AMPD2: variants seen among roughly 807,000 people sequenced by gnomAD.
AMPD2 encodes adenosine monophosphate deaminase 2.
A neutral mutation model predicts 91.3 loss-of-function variants in AMPD2; 52 were observed. That is an observed-to-expected ratio of 0.57 (90% CI 0.46 to 0.72). The LOEUF (loss-of-function observed/expected upper bound fraction) is 0.72. AMPD2 is among the 30% of genes least tolerant of loss of function. The pLI, the probability that AMPD2 is intolerant of heterozygous loss-of-function variation, is 0.00. For synonymous variants in AMPD2, 455 were observed against 456.4 expected, an observed-to-expected ratio of 1.00 and a Z score of 0.04; for missense variants, 822 against 1,122.3, an observed-to-expected ratio of 0.73 and a Z score of 3.82.
Position 109,628,300 on chromosome 1 carries a change from G to A in AMPD2, c.1275+23G>A, listed in dbSNP as rs773924324. 18 of 1,612,908 alleles carry A rather than the reference G, an allele frequency of 1.1e-5. No individual in the cohort carries two copies. In the South Asian group the frequency reaches 1.9e-4, roughly 17 times the overall value. On this transcript the variant is annotated intron_variant, in intron 11 of 18. Coordinates refer to ENST00000528667, the MANE Select transcript of AMPD2 (RefSeq NM_001368809.2). The surrounding 1 kb of genome is among the most constrained non-coding windows in gnomAD (Gnocchi z 7.1). Reference sequence around the variant, plus strand: ...GCGGTCTGTGCCAGTGGCGTGGGCTGTGGGACTGAGTCAGTCAGGGGACCA... The same window carrying A: ...GCGGTCTGTGCCAGTGGCGTGGGCTATGGGACTGAGTCAGTCAGGGGACCA...
chr1:109,622,593 T>C (rs1650351959), intron 2 of AMPD2, among the ~76,000 whole-genome samples: 1 of 152,084 alleles, frequency 6.6e-6, no homozygotes, highest in Non-Finnish European at 1.5e-5. Flanking sequence ...AGCTGAGTCT[T>C]CTAGGCCTGG....
Position 109,619,896 on chromosome 1 carries a change from T to A in AMPD2, c.-645T>A. On this transcript the variant is annotated 5_prime_UTR_variant, in exon 1 of 19. Coordinates refer to ENST00000528667, the MANE Select transcript of AMPD2 (RefSeq NM_001368809.2). ...TTTTGGTGGGGTCTCACCTGTTGCG[T>A]GACTCCCCCACAGTCCGGCCGCGGG... The A allele has an allele frequency of 3.2e-6, 1 of 313,516 alleles. No individual in the cohort carries two copies. The highest frequency in any genetic ancestry group is 6.2e-6 in the Non-Finnish European group (1 of 161,412). 19.4% of individuals were successfully genotyped at this position (313,516 alleles called of 1,614,324 possible). A position where few individuals can be genotyped will look rare whatever the true frequency, so the allele number is the denominator to read the frequency against.
chr1:109,627,232 G>A lies in AMPD2; in HGVS notation c.776G>A (p.Ser259Asn), dbSNP rs1300376879. ...EQHPYEHCEP[S>N]TMPGDLGLGL... ...CACCCGTATGAGCACTGTGAGCCAA[G>A]CACCATGCCTGGGGACCTGGGCTTG... Residue 259 changes from serine to asparagine, a missense_variant, in exon 8 of 19, where the codon AGC becomes AAC. By Grantham distance (46) the Ser-to-Asn change is conservative (BLOSUM62 1). Transcript: ENST00000528667. 1.2e-6 allele frequency: 2 copies of A among 1,613,384 alleles called. No individual in the cohort carries two copies. Among genetic ancestry groups the A allele is most frequent in the South Asian group, 2.2e-5 (2 of 90,992 alleles).
In AMPD2 at chr1:109,621,036, T is replaced by C; in HGVS notation, c.-140T>C. 6.2e-7 allele frequency: 1 copy of C among 1,601,534 alleles called. No individual in the cohort carries two copies. Among genetic ancestry groups the C allele is most frequent in the Non-Finnish European group, 8.5e-7 (1 of 1,174,242 alleles). ...AACATGAGAAATCGTGGCCAGGGCC[T>C]CTTCCGCCTGCGGAGCCGCTGCTTC... On this transcript the variant is annotated 5_prime_UTR_variant, in exon 2 of 19. Transcript: ENST00000528667.
chr1:109,626,161 C>A lies in AMPD2; in HGVS notation c.355C>A (p.Leu119Met). 6.2e-7 allele frequency: 1 copy of A among 1,614,142 alleles called. No homozygotes were observed. Reference sequence around the variant, plus strand: ...ACTTCTCACCCCTCTTGCCTCTAGGCTGGAGCCAGACATCCTGCTTCGGGC... The same window carrying A: ...ACTTCTCACCCCTCTTGCCTCTAGGATGGAGCCAGACATCCTGCTTCGGGC... The part of the protein sequence containing the change: ...LERQISQDVK[L>M]EPDILLRAKQ... The change falls in exon 5 of 19, where the codon CTG becomes ATG. Residue 119 changes from leucine (L) to methionine (M), a missense_variant and splice_region_variant. Coordinates refer to ENST00000528667, the MANE Select transcript of AMPD2 (RefSeq NM_001368809.2).
Position 109,626,343 on chromosome 1 carries a change from G to T in AMPD2, c.447G>T (p.Gly149=). 6.2e-7 allele frequency: 1 copy of T among 1,613,086 alleles called. No homozygotes were observed. Among genetic ancestry groups the T allele is most frequent in the East Asian group, 2.2e-5 (1 of 44,864 alleles). The change falls in exon 6 of 19, where the codon GGG becomes GGT. Residue 149 remains glycine, a synonymous_variant. Transcript: ENST00000528667. ...DLQLYKEQGE[G]QGDRSLRERD... ...GGCTCTACAAGGAACAGGGTGAGGG[G>T]CAGGGTGACCGGAGCCTGCGGGAGC...
rs772396309 is a variant in AMPD2 at position 109,629,823 on chromosome 1, G to T, written c.1890G>T (p.Leu630=). 6.2e-7 allele frequency: 1 copy of T among 1,610,050 alleles called. No individual in the cohort carries two copies. Among genetic ancestry groups the T allele is most frequent in the Non-Finnish European group, 8.5e-7 (1 of 1,177,274 alleles). ...AGAGGGGCTTCCACACGTTTGTGCT[G>T]AGGCCACACTGTGGGGAGGCTGGGC... is the stretch of plus-strand genomic sequence containing the variant. ...RRQRGFHTFV[L]RPHCGEAGPI... is the part of the protein sequence containing the mutation. The change falls in exon 16 of 19, where the codon CTG becomes CTT. Residue 630 remains leucine (L), a synonymous_variant. Transcript: ENST00000528667.
Position 109,624,130 on chromosome 1 carries a change from T to G in AMPD2, c.92-1173T>G. On this transcript the variant is annotated intron_variant, in intron 2 of 18. Transcript: ENST00000528667. This position sits in a 1 kb window ranked among gnomAD's most constrained non-coding sequence, Gnocchi z 5.2. ...GGGCCGGGGTGCGCAGGGGACGGGG[T>G]CCTGGATCTGGGGCAGGCCCCTCCC... The G allele has an allele frequency of 1.0e-6, 1 of 955,584 alleles. No homozygotes were observed. Among genetic ancestry groups the G allele is most frequent in the Non-Finnish European group, 1.2e-6 (1 of 802,816 alleles). The allele number at this position is 955,584 out of a possible 1,614,324, so 59.2% of individuals were successfully genotyped here.
chr1:109,631,321 G>T lies in AMPD2; in HGVS notation c.*169G>T. 1 of 717,738 alleles carries T rather than the reference G, an allele frequency of 1.4e-6. No homozygotes were observed. Among genetic ancestry groups the T allele is most frequent in the Non-Finnish European group, 2.4e-6 (1 of 425,158 alleles). The allele number at this position is 717,738 out of a possible 1,614,324, so 44.5% of individuals were successfully genotyped here. On this transcript the variant is annotated 3_prime_UTR_variant, in exon 19 of 19. Coordinates refer to ENST00000528667, the MANE Select transcript of AMPD2 (RefSeq NM_001368809.2). Reference sequence around the variant, plus strand: ...GCCACCCAGTGAAAGCAAAGCCTGGGAATCTGCTCATTGTTGTTTGGGCTC... The same window carrying T: ...GCCACCCAGTGAAAGCAAAGCCTGGTAATCTGCTCATTGTTGTTTGGGCTC...
intron 17 of AMPD2, 130 bp downstream of exon 17, chr1:109,630,536 C>T (rs1170810409): frequency 7.0e-6 from 8 of 1,137,128 alleles, no homozygotes; most frequent in Admixed American, 2.3e-5. Flanking sequence ...GCATAGCTGG[C>T]CAATTGACAA....
intron 2 of AMPD2, 187 bp downstream of exon 2, chr1:109,621,453 T>TGGGGGGGGGGGGGGGGGGGGGGGG: frequency 1.6e-6 from 1 of 631,146 alleles, no homozygotes; most frequent in Non-Finnish European, 2.9e-6. Context: ...GGGCGGGGGG[T>TGGGGGGGGGGGGGGGGGGGGGGGG]GGATCTGAGA....
chr1:109,620,483 C>A, intron 1 of AMPD2: 1 of 1,189,802 alleles, frequency 8.4e-7, no homozygotes, highest in Non-Finnish European at 1.1e-6. Context: ...TCCCAGACCC[C>A]CAGACAAGGG....
intron 16 of AMPD2, 103 bp from the exon 17 acceptor site, chr1:109,630,130 C>A: frequency 7.1e-7 from 1 of 1,404,338 alleles, no homozygotes; most frequent in Non-Finnish European, 9.9e-7. Flanking sequence ...AGCCTGGATT[C>A]CCCTCCCCCT....
chr1:109,620,827 T>C, intron 1 of AMPD2, 87 bp from the exon 2 acceptor site: 1 of 1,385,008 alleles, frequency 7.2e-7, no homozygotes, highest in Non-Finnish European at 9.4e-7. Flanking sequence ...CATGATGGGG[T>C]GAGGGCTCTT....
chr1:109,630,658 G>A, intron 17 of AMPD2, 25 bp from the exon 18 acceptor site: 3 of 1,599,990 alleles, frequency 1.9e-6, no homozygotes, highest in South Asian at 1.1e-5. Context: ...GGGCGCACTC[G>A]TCTGAGGGAA....
chr1:109,629,239 A>C lies in AMPD2; in HGVS notation c.1698+4A>C, dbSNP rs748957501. The C allele has an allele frequency of 6.2e-7, 1 of 1,614,090 alleles. No individual in the cohort carries two copies. Among genetic ancestry groups the C allele is most frequent in the Non-Finnish European group, 8.5e-7 (1 of 1,180,022 alleles). The stretch of plus-strand genomic sequence containing the variant: ...ACTGCATCTCTTCTTAGAGCACGTG[A>C]GCAGGCAGCGCAGAGCTGGGTATGG... On this transcript the variant is annotated splice_donor_region_variant and intron_variant, in intron 14 of 18. Transcript: ENST00000528667.
rs767199290 is a variant in AMPD2, at chr1:109,621,054, G to A, written c.-122G>A. The A allele has an allele frequency of 9.3e-6, 15 of 1,605,868 alleles. No individual in the cohort carries two copies. The highest frequency in any genetic ancestry group is 2.2e-5 in the East Asian group (1 of 44,784). ...CAGGGCCTCTTCCGCCTGCGGAGCC[G>A]CTGCTTCCTGCATCAGTCACTCCCG... On this transcript the variant is annotated 5_prime_UTR_variant, in exon 2 of 19. Transcript: ENST00000528667.
rs745350160 is a variant in AMPD2 at position 109,625,727 on chromosome 1, G to C, written c.288G>C (p.Glu96Asp). Residue 96 changes from glutamate to aspartate, a missense_variant, in exon 4 of 19, where the codon GAG (glutamate) becomes GAC (aspartate). Glu to Asp is a conservative substitution (Grantham distance 45, BLOSUM62 2). This residue lies in a region of AMPD2 where 10 missense variants were observed against 36.2 expected (regional missense o/e 0.28). Coordinates refer to ENST00000528667, the MANE Select transcript of AMPD2 (RefSeq NM_001368809.2). This position sits in a 1 kb window ranked among gnomAD's most constrained non-coding sequence, Gnocchi z 4.0. The part of the protein sequence containing the change: ...LRSAPYEFPE[E>D]SPIEQLEERR... ...GTGCCCCGTATGAGTTCCCCGAGGA[G>C]AGCCCCATTGAACAGCTGGAGGAGC... 4 of 1,614,044 alleles carry C rather than the reference G, an allele frequency of 2.5e-6. No individual in the cohort carries two copies. Among genetic ancestry groups the C allele is most frequent in the Admixed American group, 1.7e-5 (1 of 60,012 alleles).
chr1:109,629,828 C>T lies in AMPD2; in HGVS notation c.1895C>T (p.Pro632Leu), dbSNP rs746845817. Residue 632 changes from proline to leucine, a missense_variant, in exon 16 of 19, where the codon CCA becomes CTA. Pro to Leu is a moderately conservative substitution (Grantham distance 98). This residue lies in a region of AMPD2 where 430 missense variants were observed against 606.0 expected (regional missense o/e 0.71). Coordinates refer to ENST00000528667, the MANE Select transcript of AMPD2 (RefSeq NM_001368809.2). ...GGCTTCCACACGTTTGTGCTGAGGC[C>T]ACACTGTGGGGAGGCTGGGCCCATC... ...QRGFHTFVLR[P>L]HCGEAGPIHH... The T allele has an allele frequency of 5.0e-6, 8 of 1,611,390 alleles. No individual in the cohort carries two copies. In the East Asian group the frequency reaches 1.6e-4, roughly 31 times the overall value.
Sources: allele counts gnomAD v4.1 joint callset (sites outside exome capture counted in the v4.1 genomes callset), GRCh38; gene constraint gnomAD v4.1.1; regional missense constraint gnomAD v4.1.1; non-coding constraint Gnocchi (gnomAD v3.1); transcripts MANE v1.5; gene names NCBI Gene and HGNC (gene_info 2026-07-23, HGNC 2026-07-21).